The following L3MBTL4 variants were observed in gnomAD, a reference collection of about 807,000 sequenced individuals.
L3MBTL4 encodes the protein L3MBTL histone methyl-lysine binding protein 4, also known as lethal(3)malignant brain tumor-like protein 4.
In L3MBTL4, 70 loss-of-function variants were observed where a neutral mutation model predicts 84.5. The ratio of observed to expected loss-of-function variants is 0.83; its 90% CI spans 0.68 to 1.01. The LOEUF (loss-of-function observed/expected upper bound fraction) is 1.01. Ranked by LOEUF, L3MBTL4 falls within the 50% of genes least tolerant of loss-of-function variation. The pLI is 0.00. For synonymous variants in L3MBTL4, 274 were observed against 259.8 expected (o/e 1.05, Z -0.52); for missense variants, 715 against 754.8 (o/e 0.95, Z 0.62).
At chr18:6,209,815 G>C (rs945649301) in intron 12 of L3MBTL4, among the ~76,000 whole-genome samples, 2 of 152,230 alleles carry the variant, frequency 1.3e-5, no homozygotes, top group Middle Eastern at 3.4e-3. Context: ...GAAATAAAAA[G>C]GAATGAAGTA....
intron 16 of L3MBTL4, among the ~76,000 whole-genome samples, chr18:6,005,921 TC>T (rs1276983768): frequency 6.6e-6 from 1 of 152,152 alleles, no homozygotes; most frequent in East Asian, 1.9e-4. Context: ...CACACTGCTT[TC>T]CACAATGGCT....
intron 12 of L3MBTL4, among the ~76,000 whole-genome samples, chr18:6,178,108 A>G (rs915260531): frequency 2.0e-5 from 3 of 152,274 alleles, no homozygotes; most frequent in South Asian, 4.1e-4. Context: ...GAAAAAAAAA[A>G]TCTTTTTCAA....
At chr18:5,969,360 C>T (rs1172734801) in intron 17 of L3MBTL4, 33 bp downstream of exon 17, 1 of 1,612,190 alleles carries the variant, frequency 6.2e-7, no homozygotes, top group Non-Finnish European at 8.5e-7. Context: ...AGCAGGCACA[C>T]CCCAGCCCTG....
At chr18:6,128,326 G>T (rs1357201970) in intron 14 of L3MBTL4, among the ~76,000 whole-genome samples, 2 of 152,106 alleles carry the variant, frequency 1.3e-5, no homozygotes, top group Non-Finnish European at 2.9e-5. Context: ...ATAGAAAAGA[G>T]AGTATTATTG....
chr18:6,354,748 T>TA (rs59122372), intron 1 of L3MBTL4, among the ~76,000 whole-genome samples: 24,318 of 152,148 alleles, frequency 0.16, 2,915 homozygotes, highest in African/African-American at 0.33. Flanking sequence ...TCATCTAAGT[T>TA]AAAATGGCTT....
At chr18:6,242,231 G>T (rs1057025044) in intron 7 of L3MBTL4, among the ~76,000 whole-genome samples, 1 of 152,076 alleles carries the variant, frequency 6.6e-6, no homozygotes, top group African/African-American at 2.4e-5. Flanking sequence ...CTCGCAAAGC[G>T]CACTCCTGCC....
At position 6,171,834 on chromosome 18, in the gene L3MBTL4, G is replaced by T; in HGVS notation, c.1090C>A (p.Pro364Thr). The T allele has an allele frequency of 6.5e-7, 1 of 1,537,568 alleles. No individual in the cohort carries two copies. The change falls in exon 13 of 19, where the codon CCA becomes ACA. Residue 364 changes from proline to threonine, a missense_variant. Transcript: ENST00000317931. Reference sequence around the variant, plus strand: ...CAAAGAGCAAAGTACTCACGCTGTGGCACTTCCAGTGGATGCCCTGTGACA... The same window carrying T: ...CAAAGAGCAAAGTACTCACGCTGTGTCACTTCCAGTGGATGCCCTGTGACA... ...CDVTGHPLEV[P>T]QRTNDLKILP...
intron 5 of L3MBTL4, among the ~76,000 whole-genome samples, chr18:6,255,461 G>T (rs557209937): frequency 1.3e-5 from 2 of 152,328 alleles, no homozygotes; most frequent in East Asian, 1.9e-4. Flanking sequence ...AACCACATCA[G>T]GATGTATCTT....
intron 16 of L3MBTL4, among the ~76,000 whole-genome samples, chr18:6,044,860 T>G (rs930878054): frequency 5.3e-5 from 8 of 152,198 alleles, no homozygotes; most frequent in African/African-American, 1.9e-4. Flanking sequence ...TTCAAATAAC[T>G]AAGCTATTTT....
At chr18:6,403,233 T>C (rs576205388) in intron 1 of L3MBTL4, among the ~76,000 whole-genome samples, 1 of 152,350 alleles carries the variant, frequency 6.6e-6, no homozygotes, top group Admixed American at 6.5e-5. Context: ...GAAAGTATTT[T>C]TGCATATTTA....
chr18:6,297,123 G>C (rs984424763), intron 4 of L3MBTL4, among the ~76,000 whole-genome samples: 12 of 152,156 alleles, frequency 7.9e-5, no homozygotes, highest in Non-Finnish European at 1.0e-4. Context: ...TGAGGCGCTG[G>C]TGAGCTACAC....
intron 16 of L3MBTL4, among the ~76,000 whole-genome samples, chr18:6,019,070 A>C (rs1052400845): frequency 2.6e-5 from 4 of 152,242 alleles, no homozygotes; most frequent in African/African-American, 9.6e-5. Flanking sequence ...CATGGATATT[A>C]CCTACAGCTT....
intron 12 of L3MBTL4, among the ~76,000 whole-genome samples, chr18:6,178,950 C>T (rs1196014913): frequency 6.6e-6 from 1 of 152,154 alleles, no homozygotes; most frequent in East Asian, 1.9e-4. Context: ...TGGCACTTAG[C>T]CCTGTGTCTC....
At chr18:6,288,893 T>C (rs1427186978) in intron 4 of L3MBTL4, among the ~76,000 whole-genome samples, 1 of 151,642 alleles carries the variant, frequency 6.6e-6, no homozygotes, top group Non-Finnish European at 1.5e-5. Context: ...AATCATTAAG[T>C]TTCTGGGTCG....
At chr18:6,112,520 TC>T (rs1438125493) in intron 14 of L3MBTL4, among the ~76,000 whole-genome samples, 1 of 152,194 alleles carries the variant, frequency 6.6e-6, no homozygotes, top group African/African-American at 2.4e-5. Context: ...TCCAGCTTAC[TC>T]CCTGTGTCTC....
At chr18:6,349,610 C>G (rs8095858) in intron 1 of L3MBTL4, among the ~76,000 whole-genome samples, 6,719 of 152,130 alleles carry the variant, frequency 0.044, 419 homozygotes, top group African/African-American at 0.14. Flanking sequence ...CACCTAGCTA[C>G]TTGGGAGGCT....
chr18:5,965,706 G>T (rs942147654), intron 17 of L3MBTL4, among the ~76,000 whole-genome samples: 3 of 152,298 alleles, frequency 2.0e-5, no homozygotes, highest in Middle Eastern at 3.4e-3. Flanking sequence ...CAACCCATCA[G>T]AGACTATTCC....
chr18:6,125,522 G>T (rs956116577), intron 14 of L3MBTL4, among the ~76,000 whole-genome samples: 1 of 152,086 alleles, frequency 6.6e-6, no homozygotes, highest in Non-Finnish European at 1.5e-5. Context: ...TCAACCTCCT[G>T]GGCTCAGGCG....
At chr18:6,178,297 G>T (rs542739675) in intron 12 of L3MBTL4, among the ~76,000 whole-genome samples, 127 of 152,132 alleles carry the variant, frequency 8.3e-4, no homozygotes, top group African/African-American at 2.9e-3. Context: ...CCCAACAAGG[G>T]CTGTCTAAAC....
Sources: gnomAD v4.1 joint callset for allele counts (sites outside exome capture counted in the v4.1 genomes callset) on GRCh38, gnomAD v4.1.1 for gene constraint, MANE v1.5 for transcripts, NCBI Gene and HGNC (gene_info 2026-07-23, HGNC 2026-07-21) for gene names.